ATP8B4: variants seen among roughly 807,000 people sequenced by gnomAD.
The protein encoded by ATP8B4 is ATPase phospholipid transporting 8B4 (putative).
In ATP8B4, 133 loss-of-function variants were observed where a neutral mutation model predicts 145.6. The ratio of observed to expected loss-of-function variants is 0.91; its 90% confidence interval spans 0.79 to 1.05. ATP8B4 has a LOEUF of 1.05. Ranked by LOEUF, ATP8B4 falls within the 50% of genes least tolerant of loss-of-function variation. The pLI, the probability that ATP8B4 is intolerant of heterozygous loss-of-function variation, is 0.00. For synonymous variants in ATP8B4, 507 were observed against 492.9 expected, an observed-to-expected ratio of 1.03 and a Z score of -0.38; for missense variants, 1,458 against 1,425.2, an observed-to-expected ratio of 1.02 and a Z score of -0.37.
At chr15:49,955,457 T>C (rs937564055) in intron 14 of ATP8B4, among the ~76,000 whole-genome samples, 4 of 152,212 alleles carry the variant, frequency 2.6e-5, no homozygotes, top group Non-Finnish European at 4.4e-5. Flanking sequence ...GTAGTCACTA[T>C]AGAAAACAGT....
At chr15:50,151,183 G>C (rs11070757) in intron 1 of ATP8B4, among the ~76,000 whole-genome samples, 25,336 of 152,176 alleles carry the variant, frequency 0.17, 2,398 homozygotes, top group Middle Eastern at 0.24. Flanking sequence ...TAGAATTCAG[G>C]ATTTAGTCTA....
At chr15:50,079,393 G>C (rs998023265) in intron 2 of ATP8B4, among the ~76,000 whole-genome samples, 5 of 152,088 alleles carry the variant, frequency 3.3e-5, no homozygotes, top group African/African-American at 1.2e-4. Flanking sequence ...ACCTGATCCA[G>C]GTGTGCCACA....
intron 2 of ATP8B4, among the ~76,000 whole-genome samples, chr15:50,077,385 T>C (rs896194780): frequency 2.3e-4 from 35 of 152,314 alleles, no homozygotes; most frequent in African/African-American, 8.2e-4. Flanking sequence ...GAGTAGTGGC[T>C]AGCAGAGGTT....
chr15:50,018,528 G>A (rs528283636), intron 6 of ATP8B4, among the ~76,000 whole-genome samples: 3 of 152,134 alleles, frequency 2.0e-5, no homozygotes, highest in African/African-American at 7.2e-5. Flanking sequence ...TCTGATACCC[G>A]GAGTATATGG....
At chr15:50,049,674 G>A (rs1377393123) in intron 3 of ATP8B4, among the ~76,000 whole-genome samples, 1 of 152,106 alleles carries the variant, frequency 6.6e-6, no homozygotes, top group African/African-American at 2.4e-5. Flanking sequence ...CCCAGTAATT[G>A]GATTGCTGGG....
intron 6 of ATP8B4, 62 bp downstream of exon 6, chr15:50,038,706 C>A: frequency 1.6e-6 from 2 of 1,255,400 alleles, no homozygotes; most frequent in East Asian, 2.4e-5. Flanking sequence ...AGCCACCAAT[C>A]GTCAAGAGCT....
intron 1 of ATP8B4, among the ~76,000 whole-genome samples, chr15:50,160,844 C>T (rs1289253985): frequency 1.3e-5 from 2 of 151,982 alleles, no homozygotes; most frequent in Non-Finnish European, 2.9e-5. Flanking sequence ...ACTGTATATT[C>T]TGTAGCCATA....
At chr15:50,025,739 C>T (rs372070612) in intron 6 of ATP8B4, among the ~76,000 whole-genome samples, 16 of 152,310 alleles carry the variant, frequency 1.1e-4, no homozygotes, top group African/African-American at 3.6e-4. Context: ...TATCTACTTC[C>T]CTGACCAGAC....
intron 26 of ATP8B4, among the ~76,000 whole-genome samples, chr15:49,864,220 A>G (rs936454991): frequency 6.6e-6 from 1 of 152,244 alleles, no homozygotes; most frequent in Non-Finnish European, 1.5e-5. Flanking sequence ...GAAAAGGCAA[A>G]AGGTGAAGAA....
chr15:49,934,287 C>T, intron 14 of ATP8B4, 105 bp from the exon 15 acceptor site: 1 of 1,306,136 alleles, frequency 7.7e-7, no homozygotes. Flanking sequence ...TATTATTTTG[C>T]AGCCTCAAAT....
chr15:49,927,522 T>C (rs1177097352), intron 16 of ATP8B4, among the ~76,000 whole-genome samples: 3 of 152,072 alleles, frequency 2.0e-5, no homozygotes, highest in Non-Finnish European at 4.4e-5. Flanking sequence ...AGAATAAAAA[T>C]AAATCCAGCA....
rs2054912860 is a variant in ATP8B4, at chr15:50,085,906, T to TATATTTATATATGATATATATC, written c.29-11743_29-11722dup. 1.4e-4 allele frequency among the ~76,000 whole-genome samples: 14 copies of TATATTTATATATGATATATATC among 100,752 alleles called. 1 individual carries two copies. The highest frequency in any genetic ancestry group is 2.4e-4 in the African/African-American group (6 of 24,698). The allele number at this position is 100,752 out of a possible 152,430, so 66.1% of individuals were successfully genotyped here. On this transcript the variant is annotated intron_variant, in intron 2 of 27. Coordinates refer to ENST00000284509, the MANE Select transcript of ATP8B4 (RefSeq NM_024837.4). ...ATATTTATATATGATATATATCATA[T>TATATTTATATATGATATATATC]ATATTTATATATGATATATATCATA...
At chr15:49,871,576 C>T (rs1287710249) in intron 25 of ATP8B4, among the ~76,000 whole-genome samples, 1 of 152,220 alleles carries the variant, frequency 6.6e-6, no homozygotes, top group African/African-American at 2.4e-5. Context: ...GACAGGCCTG[C>T]TTTGGTCATC....
intron 10 of ATP8B4, among the ~76,000 whole-genome samples, 177 bp downstream of exon 10, chr15:49,987,214 T>G (rs951373533): frequency 2.6e-5 from 4 of 152,198 alleles, no homozygotes; most frequent in Non-Finnish European, 5.9e-5. Context: ...CCACCTGGAC[T>G]ATTTTCAGAG....
At chr15:50,066,800 G>A (rs1243255764) in intron 3 of ATP8B4, among the ~76,000 whole-genome samples, 1 of 151,796 alleles carries the variant, frequency 6.6e-6, no homozygotes, top group African/African-American at 2.4e-5. Flanking sequence ...ACAGTTTGTG[G>A]GGTTTTTTTC....
intron 13 of ATP8B4, among the ~76,000 whole-genome samples, chr15:49,967,015 T>C (rs2044614006): frequency 6.6e-6 from 1 of 152,168 alleles, no homozygotes; most frequent in Non-Finnish European, 1.5e-5. Context: ...CCAGCAGACC[T>C]GCAGCTGAGG....
Position 50,092,597 on chromosome 15 carries a change from C to A in ATP8B4, c.28+14342G>T, listed in dbSNP as rs2055682556. On this transcript the variant is annotated intron_variant, in intron 2 of 27. Coordinates refer to ENST00000284509, the MANE Select transcript of ATP8B4 (RefSeq NM_024837.4). ...ATAAATTCAGAATTCAACATATGAA[C>A]AGAAAATTAGAAACAGCAACATAGG... Among the ~76,000 whole-genome samples, 2 of 151,762 alleles carry A rather than the reference C, an allele frequency of 1.3e-5. 1 individual carries two copies. The highest frequency in any genetic ancestry group is 4.2e-4 in the South Asian group (2 of 4,804).
intron 2 of ATP8B4, among the ~76,000 whole-genome samples, chr15:50,090,296 G>A (rs1249664861): frequency 6.6e-6 from 1 of 152,134 alleles, no homozygotes; most frequent in Non-Finnish European, 1.5e-5. Context: ...GTTGATAGAT[G>A]CAGCAAACCA....
At chr15:50,035,769 C>G (rs955697547) in intron 6 of ATP8B4, among the ~76,000 whole-genome samples, 8 of 152,216 alleles carry the variant, frequency 5.3e-5, no homozygotes, top group African/African-American at 1.9e-4. Flanking sequence ...TTCCTGACTG[C>G]TACTTTTCAT....
Sources: allele counts gnomAD v4.1 joint callset (sites outside exome capture counted in the v4.1 genomes callset), GRCh38; gene constraint gnomAD v4.1.1; transcripts MANE v1.5; gene names NCBI Gene and HGNC (gene_info 2026-07-23, HGNC 2026-07-21).